The following ANK2 variants were observed in gnomAD, a reference collection of about 807,000 sequenced individuals.
The protein encoded by ANK2 is ankyrin 2.
In ANK2, 83 loss-of-function variants were observed where a neutral mutation model predicts 360.5. The observed-to-expected ratio is 0.23, with a 90% confidence interval of 0.19 to 0.28. The LOEUF is 0.28. ANK2 is among the 10% of genes least tolerant of loss of function. The pLI, the probability that ANK2 is intolerant of heterozygous loss-of-function variation, is 1.00. For missense variants in ANK2, 4,201 were observed against 4,795.7 expected (o/e 0.88, Z 3.66); for synonymous variants, 1,740 against 1,759.5 (o/e 0.99, Z 0.28).
chr4:112,926,250 C>G (rs2092533208), intron 2 of ANK2, among the ~76,000 whole-genome samples: 1 of 152,126 alleles, frequency 6.6e-6, no homozygotes, highest in Admixed American at 6.5e-5. Context: ...ATTGAGGATA[C>G]AAAGAAGTAA....
chr4:113,133,221 G>A (rs941375267), intron 1 of ANK2, among the ~76,000 whole-genome samples: 2 of 152,048 alleles, frequency 1.3e-5, no homozygotes, highest in African/African-American at 4.8e-5. Context: ...GATGGAAGTC[G>A]AAAAAAGTTT....
intron 18 of ANK2, 69 bp from the exon 19 acceptor site, chr4:113,287,536 A>G (rs1265169685): frequency 1.0e-5 from 12 of 1,175,578 alleles, no homozygotes; most frequent in East Asian, 7.5e-5. Flanking sequence ...ATATTTTTTC[A>G]TAATATTATA....
intron 1 of ANK2, among the ~76,000 whole-genome samples, chr4:113,146,242 A>T (rs2171058): frequency 0.71 from 107,671 of 152,130 alleles, 38,429 homozygotes; most frequent in African/African-American, 0.76. Context: ...CATTTGGGAA[A>T]GAGCAATGAC....
chr4:113,199,412 T>C (rs1262164935), intron 4 of ANK2, among the ~76,000 whole-genome samples: 1 of 152,150 alleles, frequency 6.6e-6, no homozygotes, highest in Non-Finnish European at 1.5e-5. Flanking sequence ...ATATGAATTA[T>C]TCATGCAAGT....
In ANK2 at chr4:113,353,102, T is replaced by C; in HGVS notation, c.4484T>C (p.Val1495Ala). 1.2e-6 allele frequency: 2 copies of C among 1,613,966 alleles called. No individual in the cohort carries two copies. Among genetic ancestry groups the C allele is most frequent in the Non-Finnish European group, 1.7e-6 (2 of 1,179,882 alleles). Reference sequence around the variant, plus strand: ...CTGAAAAGTCACCTGGTTAATGAAGTTCCTGTCCTAGCAAGTCCGGACTTG... The same window carrying C: ...CTGAAAAGTCACCTGGTTAATGAAGCTCCTGTCCTAGCAAGTCCGGACTTG... ...SVLKSHLVNEVPVLASPDLLS... is the reference protein window; with the variant it reads ...SVLKSHLVNEAPVLASPDLLS... The change falls in exon 38 of 46, where the codon GTT becomes GCT. Residue 1495 changes from valine (V) to alanine (A), a missense_variant. By Grantham distance (64) the Val-to-Ala change is moderately conservative (BLOSUM62 0). Coordinates refer to ENST00000357077, the MANE Select transcript of ANK2 (RefSeq NM_001148.6).
chr4:112,867,852 A>C (rs1319465175), intron 1 of ANK2, among the ~76,000 whole-genome samples: 5 of 152,184 alleles, frequency 3.3e-5, no homozygotes, highest in African/African-American at 1.2e-4. Context: ...GAAGAATGTT[A>C]CTATAAATAT....
intron 4 of ANK2, chr4:113,214,560 A>T (rs1254423252): frequency 5.6e-6 from 3 of 537,482 alleles, no homozygotes; most frequent in Non-Finnish European, 9.8e-6. Flanking sequence ...ACCATGAATC[A>T]CAGAATTGTT....
Position 113,237,157 on chromosome 4 carries a change from T to C in ANK2, c.654T>C (p.Ala218=). 1 of 1,613,936 alleles carries C rather than the reference T, an allele frequency of 6.2e-7. No individual in the cohort carries two copies. The highest frequency in any genetic ancestry group is 1.7e-5 in the Admixed American group (1 of 60,020). Residue 218 remains alanine (A), a synonymous_variant, in exon 6 of 46, where the codon GCT becomes GCC. Coordinates refer to ENST00000357077, the MANE Select transcript of ANK2 (RefSeq NM_001148.6). The part of the protein sequence containing the change: ...AALLLQNDHN[A]DVQSKMMVNR... ...TTCTGCTTCAGAATGACCACAATGCTGACGTACAATCCAAGGTACTTAAAG... is the reference window on the plus strand; with the variant it reads ...TTCTGCTTCAGAATGACCACAATGCCGACGTACAATCCAAGGTACTTAAAG...
In ANK2 at chr4:113,356,239, C is replaced by T. The variant is rs771463807; in HGVS notation, c.7621C>T (p.Pro2541Ser). Residue 2541 changes from proline to serine, a missense_variant, in exon 38 of 46, where the codon CCC (proline) becomes TCC (serine). By Grantham distance (74) the Pro-to-Ser change is moderately conservative. This residue lies in a region of ANK2 where 2,642 missense variants were observed against 2,714.5 expected (regional missense o/e 0.97). Transcript: ENST00000357077. ...GAAGAGCCCCCTTTCTCCTGACACC[C>T]CCAGCTCTGAAGAAGTCAGCTATGA... is the stretch of plus-strand genomic sequence containing the variant. Reference protein sequence around the residue: ...SGKSPLSPDTPSSEEVSYEVT... With the variant: ...SGKSPLSPDTSSSEEVSYEVT... 3 of 1,613,936 alleles carry T rather than the reference C, an allele frequency of 1.9e-6. No individual in the cohort carries two copies. The highest frequency in any genetic ancestry group is 1.1e-5 in the South Asian group (1 of 91,076).
At chr4:112,741,401 A>AG in the ANK2 span, among the ~76,000 whole-genome samples, 1 of 152,126 alleles carries the variant, frequency 6.6e-6, no homozygotes, top group Non-Finnish European at 1.5e-5. Context: ...TTCGTTGCAT[A>AG]GCCATCCTGA....
At position 113,356,947 on chromosome 4, in the gene ANK2, T is replaced by C. The variant is rs747497478; in HGVS notation, c.8329T>C (p.Cys2777Arg). Reference protein sequence around the residue: ...DQPKICDGHGCEAMSPSSSAA... With the variant: ...DQPKICDGHGREAMSPSSSAA... ...GCCAAAAATCTGTGATGGCCATGGA[T>C]GTGAGGCCATGAGTCCTAGCAGCTC... Residue 2777 changes from cysteine to arginine, a missense_variant, in exon 38 of 46, where the codon TGT (cysteine) becomes CGT (arginine). Around this residue, in one of 4 missense-constraint regions of ANK2, gnomAD observed 2,642 missense variants for 2,714.5 expected, o/e 0.97. Coordinates refer to ENST00000357077, the MANE Select transcript of ANK2 (RefSeq NM_001148.6). 6.2e-7 allele frequency: 1 copy of C among 1,614,072 alleles called. No homozygotes were observed. The highest frequency in any genetic ancestry group is 8.5e-7 in the Non-Finnish European group (1 of 1,179,982).
intron 2 of ANK2, among the ~76,000 whole-genome samples, chr4:113,042,850 C>T (rs1395113): frequency 0.55 from 83,694 of 151,966 alleles, 24,087 homozygotes; most frequent in Non-Finnish European, 0.64. Context: ...AGTTTACAAG[C>T]CACTTTCTCT....
chr4:112,924,837 C>CTT lies in ANK2; in HGVS notation c.21+20341_21+20342dup, dbSNP rs199974647. 1.4e-3 allele frequency among the ~76,000 whole-genome samples: 180 copies of CTT among 131,970 alleles called. 2 individuals are homozygous for CTT. Among genetic ancestry groups the CTT allele is most frequent in the African/African-American group, 2.2e-3 (79 of 35,260 alleles). 86.6% of individuals were successfully genotyped at this position (131,970 alleles called of 152,430 possible). The stretch of plus-strand genomic sequence containing the variant: ...TTTTTCTTACATTAAATATTTATTA[C>CTT]TTTTTTTTTTTTTTTTTTTGAGACA... On this transcript the variant is annotated intron_variant, in intron 2 of 30. Coordinates refer to the ANK2 transcript ENST00000503271.
At chr4:113,041,346 A>G (rs2062900449) in intron 2 of ANK2, among the ~76,000 whole-genome samples, 2 of 152,096 alleles carry the variant, frequency 1.3e-5, no homozygotes, top group South Asian at 4.1e-4. Context: ...AGCACACATG[A>G]TATATTTTAC....
intron 2 of ANK2, among the ~76,000 whole-genome samples, chr4:112,914,281 A>G (rs1025905303): frequency 6.6e-6 from 1 of 152,244 alleles, no homozygotes; most frequent in Non-Finnish European, 1.5e-5. Context: ...AGTCATTTAC[A>G]GAATTGGCAT....
At chr4:112,821,004 C>G (rs889318088) in intron 1 of ANK2, among the ~76,000 whole-genome samples, 1 of 152,006 alleles carries the variant, frequency 6.6e-6, no homozygotes, top group African/African-American at 2.4e-5. Flanking sequence ...CTCCGCTTCC[C>G]GGGTTCAAGC....
intron 18 of ANK2, among the ~76,000 whole-genome samples, chr4:113,283,102 A>G (rs1321407379): frequency 6.6e-6 from 1 of 152,154 alleles, no homozygotes; most frequent in East Asian, 1.9e-4. Flanking sequence ...TGACTTTTCT[A>G]TGCAAGTCAG....
chr4:112,715,543 T>C, the ANK2 span, among the ~76,000 whole-genome samples: 50 of 152,316 alleles, frequency 3.3e-4, no homozygotes, highest in Non-Finnish European at 5.0e-4. Context: ...GTAACACAGA[T>C]GTGATAAGAA....
chr4:113,331,811 C>G (rs553707140), intron 27 of ANK2, among the ~76,000 whole-genome samples, 161 bp from the exon 28 acceptor site: 2 of 152,228 alleles, frequency 1.3e-5, no homozygotes, highest in South Asian at 4.2e-4. Flanking sequence ...CTCTGGGTCT[C>G]GGTTCCTTGC....
Sources: gnomAD v4.1 joint callset for allele counts (sites outside exome capture counted in the v4.1 genomes callset) on GRCh38, gnomAD v4.1.1 for gene constraint, gnomAD v4.1.1 regional missense constraint, MANE v1.5 for transcripts, NCBI Gene and HGNC (gene_info 2026-07-23, HGNC 2026-07-21) for gene names.